Variants in THOC1 observed in about 807,000 individuals in gnomAD.
THOC1 encodes THO complex 1.
Under a neutral mutation model 97.3 loss-of-function variants are expected in THOC1, and 29 were observed. The observed-to-expected ratio is 0.30, with a 90% confidence interval of 0.22 to 0.41. THOC1 has a LOEUF of 0.41. Ranked by LOEUF, THOC1 falls within the 10% of genes least tolerant of loss-of-function variation. The pLI is 1.00. For synonymous variants in THOC1, 255 were observed against 257.0 expected (o/e 0.99, Z 0.07); for missense variants, 529 against 761.9 (o/e 0.69, Z 3.60).
At chr18:260,914 G>A (rs1002952699) in intron 4 of THOC1, 1 of 152,122 alleles carries the variant, frequency 6.6e-6, no homozygotes, top group African/African-American at 2.4e-5. Flanking sequence ...ATTCTTAAAA[G>A]ACTATAGAAA....
intron 1 of THOC1, among the ~76,000 whole-genome samples, chr18:265,820 AT>A (rs1281490959): frequency 6.6e-6 from 1 of 151,038 alleles, no homozygotes; most frequent in African/African-American, 2.4e-5. Context: ...AAAAAAAAAA[AT>A]CTCCATATGG....
At chr18:259,825 A>G in intron 5 of THOC1, 95 bp from the exon 6 acceptor site, 2 of 836,184 alleles carry the variant, frequency 2.4e-6, no homozygotes, top group African/African-American at 1.8e-5. Flanking sequence ...GAACACTAAC[A>G]TGCACTGAGA....
At chr18:230,848 G>T (rs184047805) in intron 11 of THOC1, among the ~76,000 whole-genome samples, 3 of 152,098 alleles carry the variant, frequency 2.0e-5, no homozygotes, top group African/African-American at 7.2e-5. Context: ...CAATTCTCTC[G>T]CCTCAGCCTC....
intron 5 of THOC1, 98 bp downstream of exon 5, chr18:260,088 A>T: frequency 2.7e-6 from 2 of 742,996 alleles, no homozygotes; most frequent in Non-Finnish European, 4.0e-6. Context: ...GTTGGCATTC[A>T]GCAATACTAC....
chr18:229,380 C>G (rs1911403352), intron 11 of THOC1, among the ~76,000 whole-genome samples: 1 of 152,162 alleles, frequency 6.6e-6, no homozygotes, highest in Non-Finnish European at 1.5e-5. Context: ...ATCCACTAAT[C>G]CATTGAAAGT....
intron 11 of THOC1, among the ~76,000 whole-genome samples, chr18:236,444 CT>C (rs1351769526): frequency 6.7e-6 from 1 of 150,054 alleles, no homozygotes; most frequent in Non-Finnish European, 1.5e-5. Flanking sequence ...CAAGCTCCGC[CT>C]CCCGGGTTCA....
intron 12 of THOC1, chr18:225,844 T>A (rs968322918): frequency 1.3e-5 from 2 of 157,098 alleles, no homozygotes; most frequent in African/African-American, 4.8e-5. Flanking sequence ...TGTTAATAGC[T>A]GCCACTAACT....
chr18:231,320 T>C (rs374388467), intron 11 of THOC1, among the ~76,000 whole-genome samples: 5 of 152,182 alleles, frequency 3.3e-5, no homozygotes, highest in African/African-American at 1.2e-4. Flanking sequence ...CTAAAAAGGC[T>C]CATGCTTTTC....
rs571019825 is a variant in THOC1, at chr18:248,141, T to G, written c.678-184A>C. On this transcript the variant is annotated intron_variant, in intron 9 of 20. Transcript: ENST00000261600. ...ATTTTAGGGAACTCATAGACCCCAA[T>G]AGACTCTTTATCTACACTGGTGGAG... is the stretch of plus-strand genomic sequence containing the variant. 3.9e-5 allele frequency among the ~76,000 whole-genome samples: 6 copies of G among 152,000 alleles called. 1 individual carries two copies. Among genetic ancestry groups the G allele is most frequent in the African/African-American group, 7.3e-5 (3 of 41,352 alleles).
At chr18:267,462 C>A (rs1156462719) in intron 1 of THOC1, among the ~76,000 whole-genome samples, 1 of 152,234 alleles carries the variant, frequency 6.6e-6, no homozygotes, top group African/African-American at 2.4e-5. Flanking sequence ...GATCTATCTG[C>A]CTTTTCCCGC....
intron 15 of THOC1, among the ~76,000 whole-genome samples, chr18:224,493 C>T (rs1391967283): frequency 1.3e-5 from 2 of 151,310 alleles, no homozygotes; most frequent in Non-Finnish European, 2.9e-5. Context: ...GCATGAGAAT[C>T]GCTTGAACCC....
At chr18:235,766 T>C (rs539286802) in intron 11 of THOC1, among the ~76,000 whole-genome samples, 1 of 152,336 alleles carries the variant, frequency 6.6e-6, no homozygotes, top group African/African-American at 2.4e-5. Context: ...TGTGACCTAG[T>C]ACATGGTCAA....
intron 11 of THOC1, chr18:244,616 G>A (rs1194154160): frequency 1.3e-5 from 2 of 152,100 alleles, no homozygotes; most frequent in African/African-American, 4.8e-5. Flanking sequence ...TTATCCCTTA[G>A]TGGCTTTTAG....
chr18:247,867 T>C lies in THOC1; in HGVS notation c.768A>G (p.Ser256=). The C allele has an allele frequency of 1.9e-6, 3 of 1,607,266 alleles. No individual in the cohort carries two copies. Among genetic ancestry groups the C allele is most frequent in the South Asian group, 1.1e-5 (1 of 89,380 alleles). ...AACTTACCTTGAGAAAAGTTTTCCA[T>C]GAAATCTTCTCATAGCATTGCACAG... ...RNPVQCYEKI[S]WKTFLKYSEE... is the part of the protein sequence containing the mutation. The change falls in exon 10 of 21, where the codon TCA becomes TCG. Residue 256 remains serine, a synonymous_variant. Coordinates refer to ENST00000261600, the MANE Select transcript of THOC1 (RefSeq NM_005131.3).
At chr18:217,701 C>T (rs750587145) in intron 18 of THOC1, among the ~76,000 whole-genome samples, 3 of 150,910 alleles carry the variant, frequency 2.0e-5, no homozygotes, top group Non-Finnish European at 4.4e-5. Context: ...TGGTAAGTGC[C>T]GTGAAATAAA....
chr18:237,211 G>T (rs1365723723), intron 11 of THOC1, among the ~76,000 whole-genome samples: 3 of 147,898 alleles, frequency 2.0e-5, no homozygotes, highest in Non-Finnish European at 4.4e-5. Context: ...CCAGGCTGGA[G>T]TGCAGTGGCA....
intron 17 of THOC1, among the ~76,000 whole-genome samples, chr18:221,372 G>A (rs923240586): frequency 1.3e-5 from 2 of 151,690 alleles, no homozygotes; most frequent in Non-Finnish European, 1.5e-5. Context: ...TCAAATTTTT[G>A]AGAACACATT....
chr18:226,939 C>T (rs1000984334), intron 11 of THOC1, 38 bp from the exon 12 acceptor site: 13 of 1,489,096 alleles, frequency 8.7e-6, no homozygotes, highest in Non-Finnish European at 1.1e-5. Flanking sequence ...GAAAACAACA[C>T]ATTAAAATCA....
chr18:264,206 A>G (rs1912693494), intron 3 of THOC1, 114 bp from the exon 4 acceptor site: 1 of 670,062 alleles, frequency 1.5e-6, no homozygotes, highest in Non-Finnish European at 2.5e-6. Flanking sequence ...ATGGAATACA[A>G]TATTTCTTAT....
Sources: gnomAD v4.1 joint callset for allele counts (sites outside exome capture counted in the v4.1 genomes callset) on GRCh38, gnomAD v4.1.1 for gene constraint, MANE v1.5 for transcripts, NCBI Gene and HGNC (gene_info 2026-07-23, HGNC 2026-07-21) for gene names.